Variants in KIZ observed in about 807,000 individuals in gnomAD.
KIZ encodes centrosomal protein kizuna.
KIZ carries 68 observed loss-of-function variants against 79.6 expected under a neutral mutation model. The ratio of observed to expected loss-of-function variants is 0.85; its 90% CI spans 0.70 to 1.05. The LOEUF (loss-of-function observed/expected upper bound fraction) is 1.05, where lower values mean the gene tolerates loss of function less well. Among genes scored for constraint, KIZ ranks in the 50% least tolerant of loss-of-function variants. The probability of loss-of-function intolerance (pLI) is 0.00; values close to 1 mark genes in which losing one functional copy is unlikely to be tolerated. For synonymous variants in KIZ, 280 were observed against 281.8 expected (o/e 0.99, Z 0.06); for missense variants, 797 against 800.4 (o/e 1.00, Z 0.05).
At chr20:21,138,680 A>AT (rs34709238) in intron 3 of KIZ, among the ~76,000 whole-genome samples, 9 of 151,794 alleles carry the variant, frequency 5.9e-5, no homozygotes, top group Non-Finnish European at 1.3e-4. Flanking sequence ...TGTAAGGTAC[A>AT]TTTTTTTCCC....
At chr20:21,182,760 G>A (rs958930428) in intron 6 of KIZ, among the ~76,000 whole-genome samples, 2 of 144,522 alleles carry the variant, frequency 1.4e-5, no homozygotes, top group Non-Finnish European at 3.0e-5. Flanking sequence ...TTGTGCCACT[G>A]CACTCCAGCC....
intron 4 of KIZ, among the ~76,000 whole-genome samples, chr20:21,149,985 G>A (rs893325233): frequency 1.3e-5 from 2 of 152,218 alleles, no homozygotes; most frequent in African/African-American, 2.4e-5. Flanking sequence ...AAGGGAAAGC[G>A]GGCTGTAAGA....
intron 9 of KIZ, among the ~76,000 whole-genome samples, chr20:21,217,879 A>G (rs1268895756): frequency 6.6e-6 from 1 of 152,178 alleles, no homozygotes; most frequent in Non-Finnish European, 1.5e-5. Context: ...AAACTCAAAG[A>G]AGAACATAAG....
At chr20:21,144,074 A>G (rs566520497) in intron 3 of KIZ, 27 of 152,268 alleles carry the variant, frequency 1.8e-4, no homozygotes, top group Middle Eastern at 3.4e-3. Flanking sequence ...GGGCTTTTAA[A>G]GATACTTCTT....
Position 21,162,952 on chromosome 20 carries a change from T to TA in KIZ, c.1147dup (p.Ser383LysfsTer2), listed in dbSNP as rs749902634. On this transcript the variant is annotated frameshift_variant, in exon 6 of 13. Coordinates refer to ENST00000619189, the MANE Select transcript of KIZ (RefSeq NM_018474.6). LOFTEE classifies it high-confidence loss of function. ...ACCAGCAGTGACCTTACCATTTCAA[T>TA]AAGTGAAGATGATCTGATTTTAGAG... is the stretch of plus-strand genomic sequence containing the variant. 1.2e-6 allele frequency: 2 copies of TA among 1,613,768 alleles called. No homozygotes were observed. The highest frequency in any genetic ancestry group is 1.7e-6 in the Non-Finnish European group (2 of 1,179,778).
intron 6 of KIZ, among the ~76,000 whole-genome samples, chr20:21,186,420 G>A (rs1476409126): frequency 4.0e-5 from 6 of 151,738 alleles, no homozygotes; most frequent in South Asian, 2.1e-4. Flanking sequence ...CGTTTCTTCC[G>A]TTTCGAAAAG....
intron 7 of KIZ, among the ~76,000 whole-genome samples, chr20:21,210,500 C>T (rs1054540450): frequency 2.0e-5 from 3 of 152,068 alleles, no homozygotes; most frequent in African/African-American, 7.2e-5. Context: ...CAGTCATTTA[C>T]CTGTTGTTCA....
intron 10 of KIZ, 140 bp from the exon 11 acceptor site, chr20:21,232,594 C>A (rs2036869633): frequency 5.1e-6 from 3 of 589,840 alleles, no homozygotes; most frequent in Non-Finnish European, 9.3e-6. Flanking sequence ...CTCAGAAGCT[C>A]CCTTGCCTTC....
intron 11 of KIZ, among the ~76,000 whole-genome samples, chr20:21,235,545 C>T (rs969553409): frequency 6.6e-6 from 1 of 152,206 alleles, no homozygotes; most frequent in Admixed American, 6.5e-5. Flanking sequence ...AGAGCTTCCT[C>T]TCCTCTGCAA....
Position 21,160,819 on chromosome 20 carries a change from T to C in KIZ, c.406-1052T>C, listed in dbSNP as rs2122670035. On this transcript the variant is annotated intron_variant, in intron 4 of 12. Transcript: ENST00000619189. ...TTAGTTTCTTTATAAAAGAGGCCCG[T>C]GGAAATTTGCCTGCCCCTTCCACCC... The C allele has an allele frequency of 2.0e-5, 3 of 152,232 alleles. No homozygotes were observed. The South Asian group carries it at 6.2e-4, about 32-fold the overall frequency. 9.4% of individuals were successfully genotyped at this position (152,232 alleles called of 1,614,324 possible). A position where few individuals can be genotyped will look rare whatever the true frequency, so the allele number is the denominator to read the frequency against.
intron 7 of KIZ, among the ~76,000 whole-genome samples, chr20:21,211,267 G>A (rs749069565): frequency 5.9e-5 from 9 of 152,138 alleles, no homozygotes; most frequent in Admixed American, 3.3e-4. Context: ...CTCATAGAAC[G>A]ATTTATCTGC....
intron 6 of KIZ, chr20:21,195,063 A>C (rs2035281438): frequency 6.6e-6 from 1 of 152,246 alleles, no homozygotes; most frequent in African/African-American, 2.4e-5. Context: ...GGAATAGCAC[A>C]AGGTAAGAGG....
chr20:21,138,926 CTTTTTTTTTTTTTTT>C (rs35551816), intron 3 of KIZ: 1 of 95,448 alleles, frequency 1.0e-5, no homozygotes, highest in Non-Finnish European at 2.1e-5. Context: ...CTTTCAACCT[CTTTTTTTTTTTTTTT>C]TTTTTTTTTA....
intron 6 of KIZ, chr20:21,196,543 A>T (rs2035351657): frequency 6.6e-6 from 1 of 152,288 alleles, no homozygotes; most frequent in African/African-American, 2.4e-5. Flanking sequence ...TGATGACAAG[A>T]TAAAGGCTTC....
chr20:21,174,224 C>T (rs1018408446), intron 6 of KIZ, among the ~76,000 whole-genome samples: 14 of 152,222 alleles, frequency 9.2e-5, no homozygotes, highest in African/African-American at 3.4e-4. Flanking sequence ...GTTGTTAGTA[C>T]TGACTCCGTG....
intron 6 of KIZ, among the ~76,000 whole-genome samples, chr20:21,174,753 T>G (rs2034363844): frequency 6.6e-6 from 1 of 152,202 alleles, no homozygotes; most frequent in Non-Finnish European, 1.5e-5. Context: ...CTCAAGGTCA[T>G]AAAAATGTGA....
At chr20:21,220,473 G>GT (rs959127467) in intron 9 of KIZ, among the ~76,000 whole-genome samples, 17 of 151,904 alleles carry the variant, frequency 1.1e-4, no homozygotes, top group African/African-American at 3.6e-4. Context: ...TATTTATTTT[G>GT]TTTTTTTATT....
At chr20:21,211,599 G>A (rs970266651) in intron 7 of KIZ, among the ~76,000 whole-genome samples, 7 of 152,148 alleles carry the variant, frequency 4.6e-5, no homozygotes, top group African/African-American at 1.7e-4. Context: ...GCTCCAATTT[G>A]CAGAACCCAT....
At chr20:21,242,907 A>G (rs2037267028) in intron 11 of KIZ, among the ~76,000 whole-genome samples, 1 of 152,078 alleles carries the variant, frequency 6.6e-6, no homozygotes, top group East Asian at 1.9e-4. Context: ...CTCTTCTTGT[A>G]TGGACCGCGG....
Sources: gnomAD v4.1 joint callset for allele counts (sites outside exome capture counted in the v4.1 genomes callset) on GRCh38, gnomAD v4.1.1 for gene constraint, MANE v1.5 for transcripts, NCBI Gene and HGNC (gene_info 2026-07-23, HGNC 2026-07-21) for gene names.